The following OR10J1 variants were observed in gnomAD, a reference collection of about 807,000 sequenced individuals.
OR10J1 encodes olfactory receptor family 10 subfamily J member 1.
For synonymous variants in OR10J1, 202 were observed against 143.8 expected, an observed-to-expected ratio of 1.40 and a Z score of -2.89; for missense variants, 474 against 376.6, an observed-to-expected ratio of 1.26 and a Z score of -2.14.
At chr1:159,432,232 C>T in the OR10J1 span, 1 of 400,780 alleles carries the variant, frequency 2.5e-6, no homozygotes, top group South Asian at 1.3e-4. Flanking sequence ...ATGGCTGTGA[C>T]AGAGTTTACA....
At chr1:159,429,103 C>A in the OR10J1 span, among the ~76,000 whole-genome samples, 2 of 152,214 alleles carry the variant, frequency 1.3e-5, no homozygotes, top group African/African-American at 4.8e-5. Context: ...AAAGAGGGGG[C>A]TACAGAAATT....
chr1:159,413,286 C>T, the OR10J1 span, among the ~76,000 whole-genome samples: 1 of 152,128 alleles, frequency 6.6e-6, no homozygotes, highest in South Asian at 2.1e-4. Flanking sequence ...TGTGGCGATT[C>T]CTCAGGGATC....
At chr1:159,439,167 C>G (rs1189271966), upstream of OR10J1, among the ~76,000 whole-genome samples, 3 of 152,126 alleles carry the variant, frequency 2.0e-5, no homozygotes, top group Non-Finnish European at 2.9e-5. Flanking sequence ...ACAAGATGAA[C>G]CTTTCTACTT....
chr1:159,440,202 C>G lies in OR10J1; in HGVS notation c.411C>G (p.Asn137Lys). 6.2e-7 allele frequency: 1 copy of G among 1,614,150 alleles called. No homozygotes were observed. Among genetic ancestry groups the G allele is most frequent in the Non-Finnish European group, 8.5e-7 (1 of 1,180,014 alleles). ...CCCTGAGATACATGGTTATTATGAA[C>G]AAGAGGCTGCGTATCCAACTTGTCC... ...CNPLRYMVIM[N>K]KRLRIQLVLG... Residue 137 changes from asparagine (N) to lysine (K), a missense_variant, in exon 1 of 1, where the codon AAC becomes AAG. Asn to Lys is a moderately conservative substitution (Grantham distance 94, BLOSUM62 0). Transcript: ENST00000423932.
the OR10J1 span, among the ~76,000 whole-genome samples, chr1:159,412,763 G>A: frequency 6.6e-6 from 1 of 151,704 alleles, no homozygotes; most frequent in East Asian, 1.9e-4. Context: ...TTACCATTCA[G>A]GACATAGGGA....
At chr1:159,400,733 A>G in the OR10J1 span, among the ~76,000 whole-genome samples, 5 of 151,908 alleles carry the variant, frequency 3.3e-5, no homozygotes, top group African/African-American at 1.2e-4. Context: ...ATCCATAAAG[A>G]AACCTCAGAC....
At chr1:159,422,362 C>T in the OR10J1 span, among the ~76,000 whole-genome samples, 1 of 152,132 alleles carries the variant, frequency 6.6e-6, no homozygotes, top group Non-Finnish European at 1.5e-5. Flanking sequence ...GTGGAAGCAA[C>T]CTTAGGCATG....
At chr1:159,405,652 C>A in the OR10J1 span, 1 of 466,624 alleles carries the variant, frequency 2.1e-6, no homozygotes, top group Non-Finnish European at 4.2e-6. Context: ...ATGGGAGGTG[C>A]AGGTGGCACA....
the OR10J1 span, among the ~76,000 whole-genome samples, chr1:159,431,325 T>C: frequency 6.6e-6 from 1 of 152,152 alleles, no homozygotes; most frequent in Non-Finnish European, 1.5e-5. Flanking sequence ...ACTTACCAAA[T>C]GGAAGCCCTT....
At chr1:159,407,901 C>A in the OR10J1 span, among the ~76,000 whole-genome samples, 3 of 152,094 alleles carry the variant, frequency 2.0e-5, no homozygotes, top group Admixed American at 1.3e-4. Context: ...AAATAACTCA[C>A]AACATCAATA....
chr1:159,413,887 T>C, the OR10J1 span, among the ~76,000 whole-genome samples: 1 of 151,664 alleles, frequency 6.6e-6, no homozygotes, highest in African/African-American at 2.4e-5. Context: ...TAAAAAAATA[T>C]ATTGCTTGTT....
chr1:159,413,265 G>A, the OR10J1 span, among the ~76,000 whole-genome samples: 1 of 152,236 alleles, frequency 6.6e-6, no homozygotes, highest in East Asian at 1.9e-4. Flanking sequence ...TTCAACCATT[G>A]TGGTAGTCAG....
At chr1:159,398,503 C>G in the OR10J1 span, among the ~76,000 whole-genome samples, 1 of 152,058 alleles carries the variant, frequency 6.6e-6, no homozygotes, top group Non-Finnish European at 1.5e-5. Flanking sequence ...CAAGGAAATT[C>G]AAGATAATAC....
At chr1:159,430,098 A>G in the OR10J1 span, among the ~76,000 whole-genome samples, 3 of 151,848 alleles carry the variant, frequency 2.0e-5, no homozygotes, top group Non-Finnish European at 4.4e-5. Flanking sequence ...TCTCTCTTTT[A>G]TCTCCTGAGA....
At chr1:159,399,564 C>T in the OR10J1 span, among the ~76,000 whole-genome samples, 27 of 91,374 alleles carry the variant, frequency 3.0e-4, no homozygotes, top group Non-Finnish European at 4.8e-4. Flanking sequence ...GAGCGAGATT[C>T]TGTCTCAAAA....
the OR10J1 span, among the ~76,000 whole-genome samples, chr1:159,401,590 GA>G: frequency 2.0e-5 from 3 of 151,874 alleles, no homozygotes; most frequent in African/African-American, 7.2e-5. Context: ...AACAAGTAAT[GA>G]GATTGAAGCC....
chr1:159,403,537 A>G, the OR10J1 span, among the ~76,000 whole-genome samples: 1 of 152,192 alleles, frequency 6.6e-6, no homozygotes, highest in South Asian at 2.1e-4. Context: ...TGATCATCAG[A>G]GAAATGCAAA....
At chr1:159,408,664 A>G in the OR10J1 span, among the ~76,000 whole-genome samples, 1 of 152,094 alleles carries the variant, frequency 6.6e-6, no homozygotes, top group Non-Finnish European at 1.5e-5. Flanking sequence ...CCACCTGGGC[A>G]AAGTCTGAAC....
chr1:159,439,444 A>G (rs575746384), upstream of OR10J1, among the ~76,000 whole-genome samples: 7 of 152,256 alleles, frequency 4.6e-5, no homozygotes, highest in Admixed American at 3.9e-4. Context: ...GAAAATGTGC[A>G]CTCATCTCTG....
Sources: allele counts gnomAD v4.1 joint callset (sites outside exome capture counted in the v4.1 genomes callset), GRCh38; gene constraint gnomAD v4.1.1; transcripts MANE v1.5; gene names NCBI Gene and HGNC (gene_info 2026-07-23, HGNC 2026-07-21).